The following PDE10A variants were observed in gnomAD, a reference collection of about 807,000 sequenced individuals.
PDE10A encodes cAMP and cAMP-inhibited cGMP 3',5'-cyclic phosphodiesterase 10A.
PDE10A carries 39 observed loss-of-function variants against 97.7 expected under a neutral mutation model. The observed-to-expected ratio is 0.40, with a 90% CI of 0.31 to 0.52. The LOEUF is 0.52. Among genes scored for constraint, PDE10A ranks in the 20% least tolerant of loss-of-function variants. The probability of loss-of-function intolerance (pLI) is 0.56; values close to 1 mark genes in which losing one functional copy is unlikely to be tolerated. For missense variants in PDE10A, 731 were observed against 1,047.8 expected (o/e 0.70, Z 4.17); for synonymous variants, 371 against 376.8 (o/e 0.98, Z 0.18).
At chr6:165,975,120 C>T (rs972351478) in intron 1 of PDE10A, among the ~76,000 whole-genome samples, 4 of 152,182 alleles carry the variant, frequency 2.6e-5, no homozygotes, top group African/African-American at 7.2e-5. Context: ...TCTGCTGTGG[C>T]CTCTCCCCAA....
At chr6:165,454,488 C>T (rs547072802) in intron 3 of PDE10A, among the ~76,000 whole-genome samples, 46 of 152,214 alleles carry the variant, frequency 3.0e-4, no homozygotes, top group African/African-American at 1.0e-3. Context: ...ATGATGGCCC[C>T]GTCTTCATAA....
intron 1 of PDE10A, among the ~76,000 whole-genome samples, chr6:165,798,861 C>A (rs1385942392): frequency 2.0e-5 from 3 of 152,082 alleles, no homozygotes; most frequent in African/African-American, 7.2e-5. Flanking sequence ...GCACGTGCCA[C>A]CACGCCAGGC....
chr6:165,520,978 T>G (rs969538085), intron 2 of PDE10A, among the ~76,000 whole-genome samples: 12 of 125,908 alleles, frequency 9.5e-5, no homozygotes, highest in East Asian at 4.4e-4. Context: ...GATACTATGG[T>G]TTTTTTTTAG....
At chr6:165,413,424 CCCTT>C in intron 13 of PDE10A, 73 bp downstream of exon 13, 1 of 900,626 alleles carries the variant, frequency 1.1e-6, no homozygotes, top group South Asian at 2.0e-5. Context: ...AAAAAAAAAG[CCCTT>C]AAGCTGCTTT....
At chr6:165,903,334 T>C (rs1019722449) in intron 1 of PDE10A, among the ~76,000 whole-genome samples, 3 of 152,208 alleles carry the variant, frequency 2.0e-5, no homozygotes, top group Non-Finnish European at 4.4e-5. Context: ...TGCTTAGAAG[T>C]TGAACTAGTT....
chr6:165,567,947 T>C (rs955090982), intron 1 of PDE10A, among the ~76,000 whole-genome samples: 2 of 151,046 alleles, frequency 1.3e-5, no homozygotes, highest in Non-Finnish European at 2.9e-5. Context: ...CTTTGTAACA[T>C]CTGCCCTAAG....
At chr6:165,526,993 T>C (rs1232970617) in intron 2 of PDE10A, among the ~76,000 whole-genome samples, 1 of 152,204 alleles carries the variant, frequency 6.6e-6, no homozygotes, top group Admixed American at 6.5e-5. Context: ...TTACATCCAG[T>C]GAGCAAGAAG....
chr6:165,876,928 C>T (rs1001908466), intron 1 of PDE10A, among the ~76,000 whole-genome samples: 1 of 152,202 alleles, frequency 6.6e-6, no homozygotes, highest in African/African-American at 2.4e-5. Context: ...AATGCACCAT[C>T]CACAGAATTT....
chr6:165,937,073 C>A (rs1783355279), intron 1 of PDE10A, among the ~76,000 whole-genome samples: 2 of 152,170 alleles, frequency 1.3e-5, no homozygotes, highest in South Asian at 2.1e-4. Context: ...GTGACCATGA[C>A]AATTTTTTTG....
chr6:165,864,227 AT>A (rs1194385455), intron 1 of PDE10A, among the ~76,000 whole-genome samples: 3 of 152,226 alleles, frequency 2.0e-5, no homozygotes, highest in African/African-American at 7.2e-5. Context: ...ACTTTAAAGA[AT>A]TATTGTTCTT....
chr6:165,435,111 T>A, intron 6 of PDE10A, 126 bp downstream of exon 6: 1 of 901,696 alleles, frequency 1.1e-6, no homozygotes, highest in East Asian at 2.6e-5. Flanking sequence ...AATATATTGA[T>A]CTGTAACTAG....
chr6:165,904,091 G>A (rs1166618795), intron 1 of PDE10A, among the ~76,000 whole-genome samples: 2 of 152,204 alleles, frequency 1.3e-5, no homozygotes, highest in East Asian at 3.8e-4. Context: ...GAGAATTATA[G>A]GACGTAGGAG....
intron 1 of PDE10A, among the ~76,000 whole-genome samples, chr6:165,954,912 G>C (rs3914143): frequency 6.6e-6 from 1 of 151,954 alleles, no homozygotes; most frequent in Non-Finnish European, 1.5e-5. Flanking sequence ...AAAGCAACAG[G>C]CTTTGTTATT....
chr6:165,521,656 C>A lies in PDE10A; in HGVS notation c.994+21784G>T, dbSNP rs769784745. ...ACGTCAAAGCCTATCCAGAACAAGG[C>A]TCTAATTCTCTTCAATTCTATGAAG... On this transcript the variant is annotated intron_variant, in intron 2 of 21. Coordinates refer to ENST00000539869, the MANE Select transcript of PDE10A (RefSeq NM_001385079.1). Among the ~76,000 whole-genome samples, 6 of 152,262 alleles carry A rather than the reference C, an allele frequency of 3.9e-5. No homozygotes were observed. In the South Asian group the frequency reaches 1.0e-3, roughly 26 times the overall value.
In PDE10A at chr6:165,661,937, G is replaced by A. The variant is rs1348098285; in HGVS notation, c.865+10C>T. On this transcript the variant is annotated intron_variant, in intron 1 of 21. Transcript: ENST00000539869. This position sits in a 1 kb window ranked among gnomAD's most constrained non-coding sequence, Gnocchi z 4.8. ...CCCCACCTCCGGGGAACGGGGAGCA[G>A]GCCACTTACTGGGGCTCAGGAAGCA... 5 of 939,734 alleles carry A rather than the reference G, an allele frequency of 5.3e-6. No individual in the cohort carries two copies. In the Admixed American group the frequency reaches 1.0e-4, roughly 19 times the overall value. The allele number at this position is 939,734 out of a possible 1,614,324, so 58.2% of individuals were successfully genotyped here. A position where few individuals can be genotyped will look rare whatever the true frequency, so the allele number is the denominator to read the frequency against.
chr6:165,822,895 C>T (rs368407790), intron 1 of PDE10A, among the ~76,000 whole-genome samples: 4 of 151,846 alleles, frequency 2.6e-5, no homozygotes, highest in African/African-American at 7.3e-5. Context: ...AGGGCAGTGG[C>T]GCGATCTCAG....
In PDE10A at chr6:165,387,145, G is replaced by C. The variant is rs547621263; in HGVS notation, c.2610+1153C>G. Among the ~76,000 whole-genome samples, 14 of 152,288 alleles carry C rather than the reference G, an allele frequency of 9.2e-5. 1 individual carries two copies. In the South Asian group the frequency reaches 2.5e-3, roughly 27 times the overall value. On this transcript the variant is annotated intron_variant, in intron 17 of 21. Coordinates refer to ENST00000539869, the MANE Select transcript of PDE10A (RefSeq NM_001385079.1). ...AATGATGACTACATGTTGCTTTCACGACCAAACTGAACCATGAGCAAGCTC... is the reference window on the plus strand; with the variant it reads ...AATGATGACTACATGTTGCTTTCACCACCAAACTGAACCATGAGCAAGCTC...
chr6:165,691,898 G>T (rs371501883), intron 1 of PDE10A, among the ~76,000 whole-genome samples: 1 of 152,138 alleles, frequency 6.6e-6, no homozygotes, highest in Non-Finnish European at 1.5e-5. Flanking sequence ...CCAAGCACTC[G>T]GTACATCCTT....
intron 17 of PDE10A, among the ~76,000 whole-genome samples, chr6:165,382,313 G>C (rs1784988271): frequency 6.6e-6 from 1 of 152,120 alleles, no homozygotes; most frequent in Non-Finnish European, 1.5e-5. Context: ...TCTGTCCACT[G>C]CTGGGGGATT....
Sources: gnomAD v4.1 joint callset for allele counts (sites outside exome capture counted in the v4.1 genomes callset) on GRCh38, gnomAD v4.1.1 for gene constraint, Gnocchi (gnomAD v3.1) non-coding constraint, MANE v1.5 for transcripts, NCBI Gene and HGNC (gene_info 2026-07-23, HGNC 2026-07-21) for gene names.